PLCG2: variants seen among roughly 807,000 people sequenced by gnomAD.
The protein encoded by PLCG2 is phospholipase C gamma 2.
PLCG2 carries 69 observed loss-of-function variants against 175.6 expected under a neutral mutation model. That is an observed-to-expected ratio of 0.39 (90% CI 0.32 to 0.48). The LOEUF (loss-of-function observed/expected upper bound fraction) is 0.48, where lower values mean the gene tolerates loss of function less well. Ranked by LOEUF, PLCG2 falls within the 20% of genes least tolerant of loss-of-function variation. PLCG2 has a pLI of 0.91. For missense variants in PLCG2, 1,798 were observed against 1,650.9 expected, an observed-to-expected ratio of 1.09 and a Z score of -1.54; for synonymous variants, 827 against 624.0, an observed-to-expected ratio of 1.33 and a Z score of -4.85.
intron 10 of PLCG2, among the ~76,000 whole-genome samples, chr16:81,891,022 G>A (rs1314808370): frequency 6.6e-6 from 1 of 152,068 alleles, no homozygotes; most frequent in Admixed American, 6.6e-5. Context: ...AATTAGCCTG[G>A]TGTGGTGGTG....
At chr16:81,794,883 T>C (rs1462835242) in intron 2 of PLCG2, among the ~76,000 whole-genome samples, 1 of 152,246 alleles carries the variant, frequency 6.6e-6, no homozygotes, top group African/African-American at 2.4e-5. Context: ...CTGGAGTATG[T>C]GTCCTCCACT....
Position 81,803,678 on chromosome 16 carries a change from TTC to T in PLCG2, c.193+17497_193+17498del, listed in dbSNP as rs1478249319. ...CTCCCTCCCTCCCTTCCTTCCTTCC[TTC>T]CTTTTCTTTCTTTCTTTACTCTCTA... On this transcript the variant is annotated intron_variant, in intron 2 of 32. Coordinates refer to ENST00000564138, the MANE Select transcript of PLCG2 (RefSeq NM_002661.5). 3.3e-4 allele frequency among the ~76,000 whole-genome samples: 41 copies of T among 122,490 alleles called. 1 individual carries two copies. Among genetic ancestry groups the T allele is most frequent in the African/African-American group, 3.8e-4 (13 of 34,404 alleles). The allele number at this position is 122,490 out of a possible 152,430, so 80.4% of individuals were successfully genotyped here.
intron 15 of PLCG2, among the ~76,000 whole-genome samples, chr16:81,907,196 C>T (rs1909411345): frequency 6.6e-6 from 1 of 151,994 alleles, no homozygotes. Context: ...ATACCCTGCA[C>T]CCAGCCTCCT....
chr16:81,916,490 T>G (rs899578931), intron 19 of PLCG2, among the ~76,000 whole-genome samples: 1 of 152,166 alleles, frequency 6.6e-6, no homozygotes, highest in African/African-American at 2.4e-5. Context: ...AAAAGTTGTT[T>G]ATATGTATCA....
intron 2 of PLCG2, among the ~76,000 whole-genome samples, chr16:81,758,085 C>T (rs1012136717): frequency 6.6e-6 from 1 of 152,190 alleles, no homozygotes; most frequent in African/African-American, 2.4e-5. Context: ...AAGCGATCCT[C>T]CCACCTCAGC....
At chr16:81,799,187 T>C (rs1911609560) in intron 2 of PLCG2, among the ~76,000 whole-genome samples, 1 of 152,246 alleles carries the variant, frequency 6.6e-6, no homozygotes, top group East Asian at 1.9e-4. Flanking sequence ...GGTAGACACA[T>C]TTTAACCTAC....
chr16:81,792,653 C>T (rs542880287), intron 2 of PLCG2, among the ~76,000 whole-genome samples: 63 of 152,096 alleles, frequency 4.1e-4, no homozygotes, highest in Non-Finnish European at 8.1e-4. Context: ...GCCTTCTTCA[C>T]ATGGTGGCAG....
intron 19 of PLCG2, among the ~76,000 whole-genome samples, chr16:81,914,709 G>C (rs1163138519): frequency 6.6e-6 from 1 of 152,230 alleles, no homozygotes; most frequent in East Asian, 1.9e-4. Flanking sequence ...GCAGGGATGA[G>C]AGACATCGCC....
chr16:81,788,639 C>T (rs1299067181), intron 2 of PLCG2, among the ~76,000 whole-genome samples: 1 of 152,192 alleles, frequency 6.6e-6, no homozygotes, highest in Non-Finnish European at 1.5e-5. Context: ...CTGAACTTGG[C>T]CATCCACAGG....
Position 81,959,968 on chromosome 16 carries a change from A to T in PLCG2, c.*1970A>T, listed in dbSNP as rs527610820. 1 of 205,856 alleles carries T rather than the reference A, an allele frequency of 4.9e-6. No individual in the cohort carries two copies. Among genetic ancestry groups the T allele is most frequent in the East Asian group, 7.4e-5 (1 of 13,572 alleles). The allele number at this position is 205,856 out of a possible 1,614,324, so 12.8% of individuals were successfully genotyped here. A position where few individuals can be genotyped will look rare whatever the true frequency, so the allele number is the denominator to read the frequency against. ...GGGTTTTTTGCTACCATATCAAAGAACCTGACATATGGCGGCATAGGAAGC... is the reference window on the plus strand; with the variant it reads ...GGGTTTTTTGCTACCATATCAAAGATCCTGACATATGGCGGCATAGGAAGC... On this transcript the variant is annotated 3_prime_UTR_variant, in exon 33 of 33. Coordinates refer to ENST00000564138, the MANE Select transcript of PLCG2 (RefSeq NM_002661.5).
chr16:81,846,620 G>A (rs62045703), intron 2 of PLCG2, among the ~76,000 whole-genome samples: 10 of 152,222 alleles, frequency 6.6e-5, no homozygotes, highest in Non-Finnish European at 1.3e-4. Context: ...CGGGCTTATG[G>A]CTAATGCTTA....
Position 81,961,797 on chromosome 16 carries a change from G to A in PLCG2, c.*3799G>A, listed in dbSNP as rs1253745835. On this transcript the variant is annotated 3_prime_UTR_variant, in exon 33 of 33. Coordinates refer to ENST00000564138, the MANE Select transcript of PLCG2 (RefSeq NM_002661.5). ...TTTTATTTAAACATGTAGTGTCTAC[G>A]GTATGCCAGCACTTTGCAGCTATTT... 6 of 203,072 alleles carry A rather than the reference G, an allele frequency of 3.0e-5. No individual in the cohort carries two copies. The highest frequency in any genetic ancestry group is 6.0e-5 in the Admixed American group (1 of 16,714). The allele number at this position is 203,072 out of a possible 1,614,324, so 12.6% of individuals were successfully genotyped here.
intron 22 of PLCG2, among the ~76,000 whole-genome samples, chr16:81,926,719 C>T (rs1323798201): frequency 4.6e-5 from 7 of 152,266 alleles, no homozygotes; most frequent in Admixed American, 3.9e-4. Flanking sequence ...TCCAGCCTGT[C>T]TGCCTCCAGA....
chr16:81,803,973 G>C (rs978516068), intron 2 of PLCG2, among the ~76,000 whole-genome samples: 24 of 152,196 alleles, frequency 1.6e-4, no homozygotes, highest in African/African-American at 5.5e-4. Context: ...GAGCCACCGT[G>C]CCTGGACTCT....
chr16:81,809,415 G>T (rs1211679938), intron 2 of PLCG2, among the ~76,000 whole-genome samples: 1 of 152,114 alleles, frequency 6.6e-6, no homozygotes, highest in Non-Finnish European at 1.5e-5. Flanking sequence ...TTCCCCAATG[G>T]ACTTCGGCTC....
intron 30 of PLCG2, among the ~76,000 whole-genome samples, chr16:81,941,720 T>G (rs201830291): frequency 1.3e-5 from 2 of 150,650 alleles, no homozygotes; most frequent in Middle Eastern, 3.2e-3. Context: ...TTTTTTGAGA[T>G]GGAGTCTTGC....
At position 81,748,336 on chromosome 16, in the gene PLCG2, G is replaced by T. The variant is rs572012135; in HGVS notation, c.-144-7534G>T. 3.3e-5 allele frequency among the ~76,000 whole-genome samples: 5 copies of T among 152,144 alleles called. No individual in the cohort carries two copies. In the South Asian group the frequency reaches 1.0e-3, roughly 32 times the overall value. ...ACCTGGAAGGTGGAAGTTGCAGTAA[G>T]TCGAGATGGTGCCACTGTACTCTAG... On this transcript the variant is annotated intron_variant, in intron 1 of 5. Transcript: ENST00000565054.
At chr16:81,840,975 A>G (rs1458866663) in intron 2 of PLCG2, among the ~76,000 whole-genome samples, 2 of 152,194 alleles carry the variant, frequency 1.3e-5, no homozygotes, top group Admixed American at 6.5e-5. Context: ...TTTCCCCAGT[A>G]TCACTTAAAA....
intron 11 of PLCG2, among the ~76,000 whole-genome samples, chr16:81,892,105 G>A (rs1248746187): frequency 6.6e-6 from 1 of 152,212 alleles, no homozygotes; most frequent in Non-Finnish European, 1.5e-5. Flanking sequence ...GCAAGGAGAA[G>A]TGTTTCAGAC....
Sources: gnomAD v4.1 joint callset for allele counts (sites outside exome capture counted in the v4.1 genomes callset) on GRCh38, gnomAD v4.1.1 for gene constraint, MANE v1.5 for transcripts, NCBI Gene and HGNC (gene_info 2026-07-23, HGNC 2026-07-21) for gene names.